The following VASP variants were observed in gnomAD, a reference collection of about 807,000 sequenced individuals.
VASP encodes vasodilator-stimulated phosphoprotein.
In VASP, 27 loss-of-function variants were observed where a neutral mutation model predicts 54.4. The observed-to-expected ratio is 0.50, with a 90% CI of 0.37 to 0.68. The LOEUF (loss-of-function observed/expected upper bound fraction) is 0.68. Ranked by LOEUF, VASP falls within the 30% of genes least tolerant of loss-of-function variation. The pLI is 0.00. For synonymous variants in VASP, 233 were observed against 209.8 expected, an observed-to-expected ratio of 1.11 and a Z score of -0.96; for missense variants, 488 against 528.3, an observed-to-expected ratio of 0.92 and a Z score of 0.75.
At chr19:45,517,547 G>T in intron 1 of VASP, 116 bp from the exon 2 acceptor site, 1 of 1,384,522 alleles carries the variant, frequency 7.2e-7, no homozygotes, top group Non-Finnish European at 9.8e-7. Flanking sequence ...CGTGGCTCCT[G>T]CCTCCCTCTG....
intron 6 of VASP, 67 bp downstream of exon 6, chr19:45,522,648 G>A (rs1179101694): frequency 1.8e-5 from 28 of 1,564,818 alleles, no homozygotes; most frequent in Non-Finnish European, 2.3e-5. Context: ...CAGGGCTGCC[G>A]GCGGTGTCAT....
At chr19:45,522,630 G>T (rs1479553780) in intron 6 of VASP, 49 bp downstream of exon 6, 12 of 1,531,448 alleles carry the variant, frequency 7.8e-6, no homozygotes, top group African/African-American at 1.4e-5. Flanking sequence ...TTTTATGGGG[G>T]ATGAGGCCAG....
chr19:45,517,847 G>C lies in VASP; in HGVS notation c.177+13G>C. 1.2e-6 allele frequency: 2 copies of C among 1,611,458 alleles called. No homozygotes were observed. Among genetic ancestry groups the C allele is most frequent in the African/African-American group, 1.3e-5 (1 of 75,004 alleles). ...GCCCGACCAGCAGGTGCAGCTTCCC[G>C]CCGGCCCCCTCTGTGGGCTGAACCC... On this transcript the variant is annotated intron_variant, in intron 2 of 12. Coordinates refer to ENST00000245932, the MANE Select transcript of VASP (RefSeq NM_003370.4).
chr19:45,524,567 C>G lies in VASP; in HGVS notation c.957-3C>G. On this transcript the variant is annotated splice_region_variant and splice_polypyrimidine_tract_variant and intron_variant, in intron 10 of 12. Transcript: ENST00000245932. The stretch of plus-strand genomic sequence containing the variant: ...CTGTCCCAAACCACACCAACTCCCC[C>G]AGGATGAAGTCGTCTTCTTCGGTGA... 1 of 1,613,996 alleles carries G rather than the reference C, an allele frequency of 6.2e-7. No homozygotes were observed.
At chr19:45,521,436 A>C (rs771696719) in intron 4 of VASP, 30 bp downstream of exon 4, 6 of 1,495,336 alleles carry the variant, frequency 4.0e-6, no homozygotes, top group Non-Finnish European at 4.5e-6. Flanking sequence ...GGGGAACCTT[A>C]GCCGCTGCCA....
chr19:45,513,440 C>T (rs1173784544), intron 1 of VASP, among the ~76,000 whole-genome samples: 1 of 146,752 alleles, frequency 6.8e-6, no homozygotes, highest in Non-Finnish European at 1.5e-5. Context: ...AGACGGAGGT[C>T]ACCATCTTGC....
intron 12 of VASP, 40 bp from the exon 13 acceptor site, chr19:45,526,100 G>C (rs1968960596): frequency 6.2e-7 from 1 of 1,613,870 alleles, no homozygotes; most frequent in African/African-American, 1.3e-5. Flanking sequence ...GGAGGAGGCA[G>C]AGACTCTGCC....
At chr19:45,526,056 ATCATG>A in intron 12 of VASP, 53 bp downstream of exon 12, 1 of 1,613,548 alleles carries the variant, frequency 6.2e-7, no homozygotes, top group South Asian at 1.1e-5. Flanking sequence ...TTTTGGAGGC[ATCATG>A]TCCCTGGGCA....
chr19:45,512,419 C>G (rs931791160), intron 1 of VASP, among the ~76,000 whole-genome samples: 1 of 151,214 alleles, frequency 6.6e-6, no homozygotes, highest in African/African-American at 2.4e-5. Flanking sequence ...TCCTGAGTAG[C>G]TGGAATTACA....
chr19:45,519,526 G>C (rs1968779855), intron 3 of VASP, among the ~76,000 whole-genome samples: 1 of 150,290 alleles, frequency 6.7e-6, no homozygotes, highest in Non-Finnish European at 1.5e-5. Context: ...CTGGGCTCAA[G>C]TGATCCTCCC....
At chr19:45,525,919 T>C (rs1968953609) in intron 11 of VASP, 27 bp from the exon 12 acceptor site, 2 of 1,601,532 alleles carry the variant, frequency 1.2e-6, no homozygotes, top group African/African-American at 2.7e-5. Context: ...TACCCCCTCC[T>C]GATTAGTTTT....
intron 1 of VASP, among the ~76,000 whole-genome samples, chr19:45,515,494 T>TA (rs1227275783): frequency 1.3e-5 from 2 of 152,132 alleles, no homozygotes; most frequent in African/African-American, 4.8e-5. Flanking sequence ...TGTTGACAGT[T>TA]ACTGAGCTCT....
chr19:45,516,027 G>A (rs1968693980), intron 1 of VASP, among the ~76,000 whole-genome samples: 1 of 152,178 alleles, frequency 6.6e-6, no homozygotes, highest in Admixed American at 6.5e-5. Flanking sequence ...CCTGAACTCT[G>A]CACCAGTTTA....
intron 7 of VASP, among the ~76,000 whole-genome samples, chr19:45,523,104 C>T (rs189985637): frequency 6.6e-6 from 1 of 151,994 alleles, no homozygotes; most frequent in African/African-American, 2.4e-5. Flanking sequence ...CAACACAGCA[C>T]CGCTCCACCC....
Position 45,507,760 on chromosome 19 carries a change from C to T in VASP, c.-12C>T. ...CCAGCCCGTGGGCGAGCCGCCCGCC[C>T]GCCGAGCAGCCATGAGGTGAGCCGG... On this transcript the variant is annotated 5_prime_UTR_variant, in exon 1 of 13. Coordinates refer to ENST00000245932, the MANE Select transcript of VASP (RefSeq NM_003370.4). The surrounding 1 kb of genome is among the most constrained non-coding windows in gnomAD (Gnocchi z 4.4). 6.6e-7 allele frequency: 1 copy of T among 1,510,430 alleles called. No individual in the cohort carries two copies. The highest frequency in any genetic ancestry group is 8.8e-7 in the Non-Finnish European group (1 of 1,136,596). 93.6% of individuals were successfully genotyped at this position (1,510,430 alleles called of 1,614,324 possible).
rs978007512 is a variant in VASP at position 45,519,460 on chromosome 19, A to T, written c.343+1366A>T. Among the ~76,000 whole-genome samples the T allele has an allele frequency of 4.5e-4, 63 of 140,692 alleles. 1 individual carries two copies. Among genetic ancestry groups the T allele is most frequent in the African/African-American group, 9.2e-4 (35 of 38,008 alleles). The allele number at this position is 140,692 out of a possible 152,430, so 92.3% of individuals were successfully genotyped here. A position where few individuals can be genotyped will look rare whatever the true frequency, so the allele number is the denominator to read the frequency against. ...TGTCTGGCCACCTGGATCATTTCAA[A>T]TTTTTTTTTTTTTTTTACTTTTTGT... On this transcript the variant is annotated intron_variant, in intron 3 of 12. Coordinates refer to ENST00000245932, the MANE Select transcript of VASP (RefSeq NM_003370.4).
At chr19:45,508,533 G>A (rs919973935) in intron 1 of VASP, among the ~76,000 whole-genome samples, 1 of 151,922 alleles carries the variant, frequency 6.6e-6, no homozygotes, top group Middle Eastern at 3.4e-3. Context: ...CCACCTGCGC[G>A]GCCCTGGAGA....
chr19:45,521,865 G>A (rs184949274), intron 4 of VASP, among the ~76,000 whole-genome samples: 58 of 151,864 alleles, frequency 3.8e-4, no homozygotes, highest in Non-Finnish European at 7.4e-4. Flanking sequence ...CTCCAGCCTG[G>A]GTGACAGAGT....
intron 11 of VASP, 144 bp downstream of exon 11, chr19:45,524,804 A>ACTG: frequency 1.3e-6 from 1 of 767,736 alleles, no homozygotes; most frequent in Non-Finnish European, 2.1e-6. Flanking sequence ...TGGGTCAAGG[A>ACTG]TGACCGAGAC....
Sources: gnomAD v4.1 joint callset for allele counts (sites outside exome capture counted in the v4.1 genomes callset) on GRCh38, gnomAD v4.1.1 for gene constraint, Gnocchi (gnomAD v3.1) non-coding constraint, MANE v1.5 for transcripts, NCBI Gene and HGNC (gene_info 2026-07-23, HGNC 2026-07-21) for gene names.